Variants in MDGA2 observed in about 807,000 individuals in gnomAD.
MDGA2 encodes the protein MAM domain containing glycosylphosphatidylinositol anchor 2.
In MDGA2, 40 loss-of-function variants were observed where a neutral mutation model predicts 117.8. The observed-to-expected ratio is 0.34, with a 90% CI of 0.26 to 0.44. The LOEUF is 0.44. MDGA2 is among the 20% of genes least tolerant of loss of function. The pLI is 1.00. For missense variants in MDGA2, 1,123 were observed against 1,250.6 expected, an observed-to-expected ratio of 0.90 and a Z score of 1.54; for synonymous variants, 452 against 439.0, an observed-to-expected ratio of 1.03 and a Z score of -0.37.
chr14:47,425,166 T>G (rs1400545964), intron 1 of MDGA2, among the ~76,000 whole-genome samples: 1 of 152,194 alleles, frequency 6.6e-6, no homozygotes. Context: ...GTGAAATCCT[T>G]GTCCTTGAAA....
intron 5 of MDGA2, among the ~76,000 whole-genome samples, chr14:47,121,788 A>C (rs1881666343): frequency 6.6e-6 from 1 of 152,108 alleles, no homozygotes; most frequent in African/African-American, 2.4e-5. Context: ...TCTTCTCTTA[A>C]GTTAGGATAA....
At position 47,449,437 on chromosome 14, in the gene MDGA2, T is replaced by A. The variant is rs1363992399; in HGVS notation, c.281-147887A>T. ...TTTTGTGCCTATTATAGTCTTTTCATAAGTAGGGACTGATGAGAATTGGCC... is the reference window on the plus strand; with the variant it reads ...TTTTGTGCCTATTATAGTCTTTTCAAAAGTAGGGACTGATGAGAATTGGCC... On this transcript the variant is annotated intron_variant, in intron 1 of 16. Coordinates refer to ENST00000399232, the MANE Select transcript of MDGA2 (RefSeq NM_001113498.3). 2.0e-5 allele frequency among the ~76,000 whole-genome samples: 3 copies of A among 152,296 alleles called. 1 individual carries two copies. The highest frequency in any genetic ancestry group is 7.2e-5 in the African/African-American group (3 of 41,578).
At chr14:47,623,566 G>A (rs1438031190) in intron 1 of MDGA2, among the ~76,000 whole-genome samples, 4 of 151,912 alleles carry the variant, frequency 2.6e-5, no homozygotes, top group Non-Finnish European at 5.9e-5. Flanking sequence ...GATCTAAGGG[G>A]GTATTACTAC....
At chr14:47,240,997 G>A (rs1887020879) in intron 2 of MDGA2, among the ~76,000 whole-genome samples, 1 of 151,826 alleles carries the variant, frequency 6.6e-6, no homozygotes, top group African/African-American at 2.4e-5. Context: ...TTTAGAAAAT[G>A]GGTTATTTGA....
chr14:47,470,354 G>A (rs551732967), intron 1 of MDGA2, among the ~76,000 whole-genome samples: 22 of 149,276 alleles, frequency 1.5e-4, no homozygotes, highest in African/African-American at 5.0e-4. Flanking sequence ...TTATAGGTGC[G>A]AACATGCGGT....
intron 1 of MDGA2, among the ~76,000 whole-genome samples, chr14:47,608,336 A>T (rs962406026): frequency 3.3e-5 from 5 of 152,134 alleles, no homozygotes; most frequent in African/African-American, 1.2e-4. Flanking sequence ...CCTCAGACAG[A>T]CATCAGTAAG....
At chr14:46,892,912 T>C (rs1007155586) in intron 10 of MDGA2, among the ~76,000 whole-genome samples, 2 of 152,022 alleles carry the variant, frequency 1.3e-5, no homozygotes, top group African/African-American at 4.8e-5. Flanking sequence ...AGTGGGTATG[T>C]AGATTGGTTC....
At chr14:47,302,372 C>T (rs7156257) in intron 1 of MDGA2, among the ~76,000 whole-genome samples, 1 of 152,100 alleles carries the variant, frequency 6.6e-6, no homozygotes, top group Non-Finnish European at 1.5e-5. Context: ...TTGACAGCTA[C>T]TAGCTTCAAA....
At chr14:47,507,235 C>T (rs924041576) in intron 1 of MDGA2, among the ~76,000 whole-genome samples, 3 of 151,856 alleles carry the variant, frequency 2.0e-5, no homozygotes, top group Admixed American at 6.6e-5. Flanking sequence ...CCATAGGAAC[C>T]TAGGAGATAA....
intron 11 of MDGA2, among the ~76,000 whole-genome samples, chr14:46,878,887 A>G (rs544600508): frequency 6.6e-6 from 1 of 152,226 alleles, no homozygotes; most frequent in Admixed American, 6.6e-5. Flanking sequence ...TACCAGACTG[A>G]ATTTTAATTG....
chr14:47,493,856 A>C (rs1894223869), intron 1 of MDGA2, among the ~76,000 whole-genome samples: 2 of 152,160 alleles, frequency 1.3e-5, no homozygotes, highest in Admixed American at 1.3e-4. Flanking sequence ...CAGTCATTCA[A>C]GAGATATATA....
chr14:47,421,907 TA>T (rs1157708906), intron 1 of MDGA2, among the ~76,000 whole-genome samples: 20 of 152,192 alleles, frequency 1.3e-4, no homozygotes, highest in African/African-American at 4.8e-4. Flanking sequence ...TGTTGACTTT[TA>T]AATTCATTTT....
chr14:47,433,599 T>C (rs1892840938), intron 1 of MDGA2, among the ~76,000 whole-genome samples: 1 of 152,136 alleles, frequency 6.6e-6, no homozygotes, highest in Non-Finnish European at 1.5e-5. Flanking sequence ...TGAAAAACTA[T>C]TCACTAAGGG....
intron 1 of MDGA2, among the ~76,000 whole-genome samples, chr14:47,563,649 C>G (rs1895864327): frequency 8.3e-6 from 1 of 120,082 alleles, no homozygotes; most frequent in Non-Finnish European, 1.6e-5. Flanking sequence ...TACTTTGAGC[C>G]TATGATGTCA....
At chr14:47,066,280 GAATTT>G (rs1442144537) in intron 6 of MDGA2, among the ~76,000 whole-genome samples, 2 of 152,108 alleles carry the variant, frequency 1.3e-5, no homozygotes, top group Admixed American at 6.5e-5. Flanking sequence ...ACTCTTTATT[GAATTT>G]AATTATAATT....
At chr14:47,615,151 T>C (rs1018515332) in intron 1 of MDGA2, among the ~76,000 whole-genome samples, 3 of 152,160 alleles carry the variant, frequency 2.0e-5, no homozygotes, top group Non-Finnish European at 4.4e-5. Flanking sequence ...CTCATAGATG[T>C]ATGGCCATAA....
At chr14:47,665,380 G>A (rs1024730936) in intron 1 of MDGA2, among the ~76,000 whole-genome samples, 3 of 152,190 alleles carry the variant, frequency 2.0e-5, no homozygotes, top group African/African-American at 7.2e-5. Flanking sequence ...AGGTGACAGT[G>A]TGCTGGCAGC....
At chr14:47,052,151 CATTGG>C (rs1007410839) in intron 7 of MDGA2, among the ~76,000 whole-genome samples, 1 of 151,800 alleles carries the variant, frequency 6.6e-6, no homozygotes, top group Non-Finnish European at 1.5e-5. Flanking sequence ...TTTCAGCCCT[CATTGG>C]ATTGGAGAAT....
At chr14:47,348,218 ATTTTTTT>A (rs78606952) in intron 1 of MDGA2, among the ~76,000 whole-genome samples, 1 of 138,078 alleles carries the variant, frequency 7.2e-6, no homozygotes, top group East Asian at 2.1e-4. Flanking sequence ...AAATCCTTAA[ATTTTTTT>A]TTTTTTTTTA....
Sources: gnomAD v4.1 joint callset for allele counts (sites outside exome capture counted in the v4.1 genomes callset) on GRCh38, gnomAD v4.1.1 for gene constraint, MANE v1.5 for transcripts, NCBI Gene and HGNC (gene_info 2026-07-23, HGNC 2026-07-21) for gene names.